The following LAPTM4B variants were observed in gnomAD, a reference collection of about 807,000 sequenced individuals.
LAPTM4B encodes lysosomal protein transmembrane 4 beta.
A neutral mutation model predicts 28.5 loss-of-function variants in LAPTM4B; 26 were observed. The observed-to-expected ratio is 0.91, with a 90% CI of 0.67 to 1.27. LAPTM4B has a LOEUF of 1.27. Ranked by LOEUF, LAPTM4B falls within the 50% of genes most tolerant of loss-of-function variation. The pLI, the probability that LAPTM4B is intolerant of heterozygous loss-of-function variation, is 0.00. For missense variants in LAPTM4B, 288 were observed against 285.8 expected (o/e 1.01, Z -0.06); for synonymous variants, 109 against 106.4 (o/e 1.02, Z -0.15).
At chr8:97,816,294 C>A in intron 4 of LAPTM4B, 114 bp downstream of exon 4, 1 of 1,045,188 alleles carries the variant, frequency 9.6e-7, no homozygotes, top group Non-Finnish European at 1.4e-6. Context: ...TAGCTTGCAG[C>A]TGAGTTACTC....
At chr8:97,834,565 G>A (rs925643627) in intron 6 of LAPTM4B, among the ~76,000 whole-genome samples, 5 of 152,002 alleles carry the variant, frequency 3.3e-5, no homozygotes, top group African/African-American at 1.2e-4. Flanking sequence ...GTGTGTGTGT[G>A]TGTTTATGTG....
In LAPTM4B at chr8:97,805,415, C is replaced by G. The variant is rs768074422; in HGVS notation, c.162C>G (p.Asn54Lys). 4 of 1,583,670 alleles carry G rather than the reference C, an allele frequency of 2.5e-6. No homozygotes were observed. The highest frequency in any genetic ancestry group is 3.4e-6 in the Non-Finnish European group (4 of 1,162,696). ...LSALADPDQYNFSSSELGGDF... is the reference protein window; with the variant it reads ...LSALADPDQYKFSSSELGGDF... ...CCCTGGCTGATCCGGATCAGTATAA[C>G]TTTTCAAGTTCTGAACTGGGAGGTG... The change falls in exon 2 of 7, where the codon AAC becomes AAG. Residue 54 changes from asparagine (N) to lysine (K), a missense_variant. Physicochemically the swap from Asn to Lys is moderately conservative, Grantham distance 94. Coordinates refer to ENST00000521545, the MANE Select transcript of LAPTM4B (RefSeq NM_018407.6).
intron 6 of LAPTM4B, among the ~76,000 whole-genome samples, chr8:97,827,466 G>A (rs559970881): frequency 6.6e-6 from 1 of 152,302 alleles, no homozygotes; most frequent in African/African-American, 2.4e-5. Flanking sequence ...CTCTTCATCT[G>A]TATCCCTTGT....
At chr8:97,820,439 T>A (rs753312177) in intron 5 of LAPTM4B, among the ~76,000 whole-genome samples, 1 of 152,046 alleles carries the variant, frequency 6.6e-6, no homozygotes, top group African/African-American at 2.4e-5. Flanking sequence ...CTCAATGCCT[T>A]TCATTGTCTT....
At chr8:97,836,955 A>G (rs1817269058) in intron 6 of LAPTM4B, among the ~76,000 whole-genome samples, 1 of 151,902 alleles carries the variant, frequency 6.6e-6, no homozygotes, top group Non-Finnish European at 1.5e-5. Context: ...AAATATATAT[A>G]TATAACATAT....
intron 1 of LAPTM4B, among the ~76,000 whole-genome samples, chr8:97,789,045 T>C (rs1816454648): frequency 8.1e-5 from 1 of 12,286 alleles, no homozygotes; most frequent in Non-Finnish European, 1.4e-4. Flanking sequence ...ACTCTTTATT[T>C]ATTTATTTAT....
intron 1 of LAPTM4B, among the ~76,000 whole-genome samples, chr8:97,799,156 C>T (rs2129756760): frequency 6.6e-6 from 1 of 152,300 alleles, no homozygotes; most frequent in Admixed American, 6.5e-5. Flanking sequence ...ACCTCACCAC[C>T]TAACATGGAA....
intron 5 of LAPTM4B, among the ~76,000 whole-genome samples, chr8:97,821,293 G>A (rs1816997680): frequency 6.6e-6 from 1 of 151,634 alleles, no homozygotes; most frequent in Non-Finnish European, 1.5e-5. Flanking sequence ...ATGAGATCGA[G>A]CTACTGCACT....
chr8:97,782,817 C>T (rs1014350705), intron 1 of LAPTM4B, among the ~76,000 whole-genome samples: 20 of 151,518 alleles, frequency 1.3e-4, no homozygotes, highest in African/African-American at 2.4e-4. Context: ...CTGCAGCCTC[C>T]GCCTCTTGGG....
At chr8:97,838,178 A>G (rs1015047498) in intron 6 of LAPTM4B, among the ~76,000 whole-genome samples, 1 of 152,136 alleles carries the variant, frequency 6.6e-6, no homozygotes, top group East Asian at 1.9e-4. Context: ...GAATGACAGG[A>G]GCTTTCTTGT....
chr8:97,843,813 A>AAATAAATAAATC (rs768901632), intron 6 of LAPTM4B, among the ~76,000 whole-genome samples: 1 of 146,168 alleles, frequency 6.8e-6, no homozygotes, highest in Admixed American at 6.7e-5. Flanking sequence ...ATAAATAAAT[A>AAATAAATAAATC]AATCATTTGC....
intron 6 of LAPTM4B, among the ~76,000 whole-genome samples, chr8:97,827,470 C>G (rs1817107361): frequency 1.3e-5 from 2 of 152,194 alleles, no homozygotes; most frequent in Admixed American, 1.3e-4. Flanking sequence ...TCATCTGTAT[C>G]CCTTGTATCC....
At chr8:97,809,554 G>T (rs1415903758) in intron 2 of LAPTM4B, among the ~76,000 whole-genome samples, 1 of 152,120 alleles carries the variant, frequency 6.6e-6, no homozygotes, top group Non-Finnish European at 1.5e-5. Context: ...ATAAAAATTA[G>T]TCGGGTGTGA....
chr8:97,808,679 C>CG (rs1392353809), intron 2 of LAPTM4B, among the ~76,000 whole-genome samples: 1 of 152,124 alleles, frequency 6.6e-6, no homozygotes, highest in Non-Finnish European at 1.5e-5. Context: ...AGACTGGGTG[C>CG]GGTGGCTCAC....
intron 1 of LAPTM4B, among the ~76,000 whole-genome samples, chr8:97,781,746 T>C (rs1239054853): frequency 6.6e-6 from 1 of 152,222 alleles, no homozygotes. Context: ...TCATGTAAAA[T>C]GGAATTATGC....
At chr8:97,824,939 A>G (rs1304140166) in intron 5 of LAPTM4B, 119 bp from the exon 6 acceptor site, 4 of 610,542 alleles carry the variant, frequency 6.6e-6, no homozygotes, top group Non-Finnish European at 1.2e-5. Flanking sequence ...GAGCTGTTAT[A>G]ATATGTGCAT....
chr8:97,817,584 G>A (rs1277183886), intron 4 of LAPTM4B, among the ~76,000 whole-genome samples: 1 of 150,892 alleles, frequency 6.6e-6, no homozygotes, highest in Non-Finnish European at 1.5e-5. Context: ...GAGTAGCTGG[G>A]ATTACAGGCA....
chr8:97,776,407 C>G (rs1000056402), intron 1 of LAPTM4B, among the ~76,000 whole-genome samples: 2 of 152,236 alleles, frequency 1.3e-5, no homozygotes, highest in African/African-American at 4.8e-5. Flanking sequence ...AGCCCCGCGG[C>G]CTCGCGTAGG....
At chr8:97,850,038 C>A (rs1024485142) in intron 6 of LAPTM4B, among the ~76,000 whole-genome samples, 4 of 151,878 alleles carry the variant, frequency 2.6e-5, no homozygotes, top group African/African-American at 9.7e-5. Context: ...TGGGCTTCAG[C>A]CACACCCTCC....
Sources: gnomAD v4.1 joint callset for allele counts (sites outside exome capture counted in the v4.1 genomes callset) on GRCh38, gnomAD v4.1.1 for gene constraint, MANE v1.5 for transcripts, NCBI Gene and HGNC (gene_info 2026-07-23, HGNC 2026-07-21) for gene names.